The following CAMKMT variants were observed in gnomAD, a reference collection of about 807,000 sequenced individuals.
The protein encoded by CAMKMT is CaM KMT.
A neutral mutation model predicts 48.0 loss-of-function variants in CAMKMT; 53 were observed. The observed-to-expected ratio is 1.10, with a 90% CI of 0.89 to 1.39. The LOEUF (loss-of-function observed/expected upper bound fraction) is 1.39, where lower values mean the gene tolerates loss of function less well. Ranked by LOEUF, CAMKMT falls within the 40% of genes most tolerant of loss-of-function variation. CAMKMT has a pLI of 0.00. For missense variants in CAMKMT, 428 were observed against 402.7 expected (o/e 1.06, Z -0.54); for synonymous variants, 165 against 152.3 (o/e 1.08, Z -0.61).
chr2:44,620,547 C>T (rs1672122924), intron 3 of CAMKMT, among the ~76,000 whole-genome samples: 2 of 152,298 alleles, frequency 1.3e-5, no homozygotes, highest in South Asian at 4.1e-4. Context: ...GGTCATTTTA[C>T]CCATTCCCCA....
rs371082746 is a variant in CAMKMT at position 44,706,294 on chromosome 2, G to A, written c.445G>A (p.Ala149Thr). The A allele has an allele frequency of 6.8e-6, 11 of 1,613,114 alleles. No homozygotes were observed. Among genetic ancestry groups the A allele is most frequent in the Non-Finnish European group, 9.3e-6 (11 of 1,179,488 alleles). ...TTCTTTTCTCTCTTTCAGGGCCCTT[G>A]CTGTGTGTGAGCTAGGGGGTGGCAT... is the stretch of plus-strand genomic sequence containing the variant. ...LKHNNIFRAL[A>T]VCELGGGMTC... The change falls in exon 5 of 11, where the codon GCT becomes ACT. Residue 149 changes from alanine (A) to threonine (T), a missense_variant. Transcript: ENST00000378494.
At chr2:44,725,956 C>A (rs1678759648) in intron 7 of CAMKMT, among the ~76,000 whole-genome samples, 2 of 151,946 alleles carry the variant, frequency 1.3e-5, no homozygotes, top group African/African-American at 2.4e-5. Flanking sequence ...AGGTAGTGAG[C>A]ATAGTATCTG....
chr2:44,745,182 T>C (rs1679867001), intron 8 of CAMKMT, among the ~76,000 whole-genome samples: 1 of 152,174 alleles, frequency 6.6e-6, no homozygotes, highest in Non-Finnish European at 1.5e-5. Flanking sequence ...CCTGAAGCTT[T>C]AGACAAGGGT....
At chr2:44,623,657 T>C (rs1394598808) in intron 3 of CAMKMT, among the ~76,000 whole-genome samples, 1 of 152,132 alleles carries the variant, frequency 6.6e-6, no homozygotes, top group Non-Finnish European at 1.5e-5. Flanking sequence ...TTTATCTCTG[T>C]GTTCTTTATT....
chr2:44,402,919 G>A (rs1487502501), intron 3 of CAMKMT, among the ~76,000 whole-genome samples: 1 of 135,712 alleles, frequency 7.4e-6, no homozygotes, highest in Non-Finnish European at 1.6e-5. Context: ...AGATATTACT[G>A]AAAGTTTTTT....
chr2:44,378,659 A>G (rs957118801), intron 2 of CAMKMT, among the ~76,000 whole-genome samples: 1 of 152,048 alleles, frequency 6.6e-6, no homozygotes, highest in Non-Finnish European at 1.5e-5. Context: ...ACGCCCAGCT[A>G]ATTTTTGTAT....
chr2:44,474,019 A>T, intron 3 of CAMKMT, among the ~76,000 whole-genome samples: 1 of 152,244 alleles, frequency 6.6e-6, no homozygotes, highest in East Asian at 1.9e-4. Flanking sequence ...TATTTGCAGC[A>T]CAAGGCAAAG....
Position 44,509,250 on chromosome 2 carries a change from T to C in CAMKMT, c.376+118945T>C, listed in dbSNP as rs1572678214. Among the ~76,000 whole-genome samples the C allele has an allele frequency of 3.9e-5, 6 of 152,120 alleles. No homozygotes were observed. In the South Asian group the frequency reaches 1.2e-3, roughly 32 times the overall value. ...AACTGTCTCCAATAGCCTAATTATTTTTCTTTGTTTTTAACTTTTAGTTAT... is the reference window on the plus strand; with the variant it reads ...AACTGTCTCCAATAGCCTAATTATTCTTCTTTGTTTTTAACTTTTAGTTAT... On this transcript the variant is annotated intron_variant, in intron 3 of 10. Transcript: ENST00000378494.
At chr2:44,729,188 A>G (rs1678955175) in intron 7 of CAMKMT, among the ~76,000 whole-genome samples, 1 of 152,144 alleles carries the variant, frequency 6.6e-6, no homozygotes, top group Non-Finnish European at 1.5e-5. Context: ...GGAAATTTAC[A>G]TTTGAGGTGG....
intron 7 of CAMKMT, among the ~76,000 whole-genome samples, chr2:44,725,462 C>A (rs1678729947): frequency 6.6e-6 from 1 of 152,092 alleles, no homozygotes; most frequent in Admixed American, 6.6e-5. Flanking sequence ...GGACATTTCC[C>A]CAGCTACCAA....
chr2:44,411,773 A>T (rs550825065), intron 3 of CAMKMT, among the ~76,000 whole-genome samples: 70 of 152,196 alleles, frequency 4.6e-4, no homozygotes, highest in African/African-American at 1.6e-3. Context: ...AATGGTTTCC[A>T]CCAGTTGCCT....
chr2:44,722,219 C>T (rs554386785), intron 7 of CAMKMT, among the ~76,000 whole-genome samples: 34 of 130,632 alleles, frequency 2.6e-4, no homozygotes, highest in East Asian at 6.6e-4. Context: ...CTGCTATGAA[C>T]ATTTGTGTAC....
At chr2:44,492,558 C>G (rs569059870) in intron 3 of CAMKMT, among the ~76,000 whole-genome samples, 1 of 152,234 alleles carries the variant, frequency 6.6e-6, no homozygotes, top group Non-Finnish European at 1.5e-5. Flanking sequence ...GTTTGCCCAA[C>G]TTAACTAATA....
chr2:44,391,610 A>G (rs1681349617), intron 3 of CAMKMT, among the ~76,000 whole-genome samples: 3 of 152,178 alleles, frequency 2.0e-5, no homozygotes, highest in Admixed American at 2.0e-4. Context: ...TGATTCTAGA[A>G]TGTTAAATGT....
chr2:44,489,465 C>T lies in CAMKMT; in HGVS notation c.376+99160C>T, dbSNP rs185279562. Among the ~76,000 whole-genome samples, 231 of 152,002 alleles carry T rather than the reference C, an allele frequency of 1.5e-3. 2 individuals are homozygous for T. Among genetic ancestry groups the T allele is most frequent in the Non-Finnish European group, 1.9e-3 (128 of 67,964 alleles). ...TTCACCATGTTGGTCAGGCTGGTCT[C>T]GAACTCCTGAACTCAGATGATCCAC... On this transcript the variant is annotated intron_variant, in intron 3 of 10. Transcript: ENST00000378494.
At chr2:44,626,576 G>A (rs753565852) in intron 3 of CAMKMT, among the ~76,000 whole-genome samples, 2 of 152,172 alleles carry the variant, frequency 1.3e-5, no homozygotes, top group African/African-American at 2.4e-5. Flanking sequence ...CAGCAGATTA[G>A]GTGTCTGATG....
In CAMKMT at chr2:44,432,397, C is replaced by T. The variant is rs72877262; in HGVS notation, c.376+42092C>T. On this transcript the variant is annotated intron_variant, in intron 3 of 10. Transcript: ENST00000378494. The stretch of plus-strand genomic sequence containing the variant: ...CTTGGGAGCACTGATTACGAAGGCA[C>T]CCCACATACTTCCTTCATAAACATT... Among the ~76,000 whole-genome samples, 1,162 of 152,256 alleles carry T rather than the reference C, an allele frequency of 7.6e-3. 11 individuals carry two copies. The highest frequency in any genetic ancestry group is 0.02 in the African/African-American group (824 of 41,546).
At chr2:44,484,476 A>G (rs1341816872) in intron 3 of CAMKMT, among the ~76,000 whole-genome samples, 2 of 152,070 alleles carry the variant, frequency 1.3e-5, no homozygotes, top group African/African-American at 2.4e-5. Context: ...AACAATGAAG[A>G]TGGATGGTAT....
At chr2:44,583,707 G>C (rs1377536238) in intron 3 of CAMKMT, among the ~76,000 whole-genome samples, 1 of 152,026 alleles carries the variant, frequency 6.6e-6, no homozygotes, top group Non-Finnish European at 1.5e-5. Context: ...GAGGGGGAAG[G>C]ATGGCTTGAG....
Sources: gnomAD v4.1 joint callset for allele counts (sites outside exome capture counted in the v4.1 genomes callset) on GRCh38, gnomAD v4.1.1 for gene constraint, MANE v1.5 for transcripts, NCBI Gene and HGNC (gene_info 2026-07-23, HGNC 2026-07-21) for gene names.